PCDHA2: variants seen among roughly 807,000 people sequenced by gnomAD.
PCDHA2 encodes the protein protocadherin alpha-2.
In PCDHA2, 58 loss-of-function variants were observed where a neutral mutation model predicts 66.0. The observed-to-expected ratio is 0.88, with a 90% CI of 0.71 to 1.09. The LOEUF is 1.09. Among genes scored for constraint, PCDHA2 ranks in the 50% least tolerant of loss-of-function variants. The pLI, the probability that PCDHA2 is intolerant of heterozygous loss-of-function variation, is 0.00. For missense variants in PCDHA2, 1,267 were observed against 1,242.3 expected (o/e 1.02, Z -0.30); for synonymous variants, 634 against 554.0 (o/e 1.14, Z -2.03).
chr5:140,813,492 A>G (rs939104206), intron 1 of PCDHA2: 1 of 152,216 alleles, frequency 6.6e-6, no homozygotes, highest in Non-Finnish European at 1.5e-5. Flanking sequence ...TAAACATCTA[A>G]AAGGTACAGT....
At chr5:140,967,562 C>T in intron 1 of PCDHA2, 1 of 1,614,064 alleles carries the variant, frequency 6.2e-7, no homozygotes, top group Non-Finnish European at 8.5e-7. Context: ...TCGCGTCCAG[C>T]TACGGGAGGA....
chr5:140,836,616 G>A, intron 1 of PCDHA2: 5 of 1,613,694 alleles, frequency 3.1e-6, no homozygotes, highest in Non-Finnish European at 4.2e-6. Context: ...CTCCAGCGCG[G>A]TGGGGAGCTG....
At chr5:140,959,567 T>A (rs2095496193) in intron 1 of PCDHA2, among the ~76,000 whole-genome samples, 1 of 152,208 alleles carries the variant, frequency 6.6e-6, no homozygotes, top group Non-Finnish European at 1.5e-5. Context: ...AGTACTAGAT[T>A]TTTTGTTTCA....
Position 140,796,547 on chromosome 5 carries a change from T to C in PCDHA2, c.1583T>C (p.Val528Ala). Reference sequence around the variant, plus strand: ...CTGCAGCCGCTGGACCACGAGGAAGTGGAGCTGCTGCAGTTCCAGGTGAGC... The same window carrying C: ...CTGCAGCCGCTGGACCACGAGGAAGCGGAGCTGCTGCAGTTCCAGGTGAGC... Reference protein sequence around the residue: ...YALQPLDHEEVELLQFQVSAR... With the variant: ...YALQPLDHEEAELLQFQVSAR... Residue 528 changes from valine (V) to alanine (A), a missense_variant, in exon 1 of 4, where the codon GTG (valine) becomes GCG (alanine). Coordinates refer to ENST00000526136, the MANE Select transcript of PCDHA2 (RefSeq NM_018905.3). 6.2e-7 allele frequency: 1 copy of C among 1,612,990 alleles called. No homozygotes were observed.
At position 140,808,692 on chromosome 5, in the gene PCDHA2, G is replaced by A. The variant is rs555898168; in HGVS notation, c.2388+11340G>A. 13 of 1,612,220 alleles carry A rather than the reference G, an allele frequency of 8.1e-6. No individual in the cohort carries two copies. The African/African-American group carries it at 1.5e-4, about 18-fold the overall frequency. ...CTGGTAGAGCGGCGGGTAGGGGAGC[G>A]CGCGCTGTCGAGCTACGTTTCGGTG... On this transcript the variant is annotated intron_variant, in intron 1 of 3. Transcript: ENST00000526136.
chr5:140,807,366 T>C (rs1763899962), intron 1 of PCDHA2: 1 of 1,608,846 alleles, frequency 6.2e-7, no homozygotes, highest in South Asian at 1.1e-5. Flanking sequence ...GCGGAGCTGG[T>C]GCCGCGCCTG....
chr5:140,905,632 G>A lies in PCDHA2; in HGVS notation c.2389-73317G>A, dbSNP rs146826869. 9.9e-4 allele frequency among the ~76,000 whole-genome samples: 150 copies of A among 152,224 alleles called. 1 individual carries two copies. Among genetic ancestry groups the A allele is most frequent in the African/African-American group, 3.4e-3 (141 of 41,546 alleles). ...TCTATAGATTGCTTTTGACAGTATG[G>A]TCAGTTTCACAGTATTGATTCCTGT... On this transcript the variant is annotated intron_variant, in intron 1 of 3. Transcript: ENST00000526136.
chr5:140,955,987 A>G (rs1185683030), intron 1 of PCDHA2, among the ~76,000 whole-genome samples: 3 of 152,198 alleles, frequency 2.0e-5, no homozygotes, highest in African/African-American at 7.2e-5. Flanking sequence ...CAATTTTTGC[A>G]CATTGATTTT....
intron 1 of PCDHA2, among the ~76,000 whole-genome samples, chr5:140,941,249 TTCTTTC>T (rs1367740560): frequency 3.0e-4 from 42 of 138,342 alleles, no homozygotes; most frequent in South Asian, 7.1e-4. Context: ...CTTTCTTTCT[TTCTTTC>T]TCTTTCTTTC....
intron 1 of PCDHA2, chr5:140,929,003 G>A: frequency 6.2e-7 from 1 of 1,614,106 alleles, no homozygotes; most frequent in South Asian, 1.1e-5. Flanking sequence ...TTCTTCGTGT[G>A]TACCAAGTTG....
chr5:140,919,480 T>C (rs1745975489), intron 1 of PCDHA2, among the ~76,000 whole-genome samples: 1 of 152,198 alleles, frequency 6.6e-6, no homozygotes, highest in Admixed American at 6.5e-5. Context: ...TATTTGGATT[T>C]ATGTTTGTTA....
chr5:140,882,152 GA>G, intron 1 of PCDHA2: 1 of 1,505,314 alleles, frequency 6.6e-7, no homozygotes, highest in East Asian at 2.3e-5. Flanking sequence ...GCAGAAAGCG[GA>G]ATACCTCTTG....
At chr5:140,968,460 C>G (rs1554230749) in intron 1 of PCDHA2, 1 of 1,614,096 alleles carries the variant, frequency 6.2e-7, no homozygotes, top group Non-Finnish European at 8.5e-7. Flanking sequence ...ACTGTGACTG[C>G]CAACGTATAT....
chr5:140,837,994 C>CT lies in PCDHA2; in HGVS notation c.2388+40650dup, dbSNP rs2150281652. Among the ~76,000 whole-genome samples, 95 of 150,614 alleles carry CT rather than the reference C, an allele frequency of 6.3e-4. 1 individual carries two copies. Among genetic ancestry groups the CT allele is most frequent in the African/African-American group, 9.0e-4 (37 of 40,918 alleles). On this transcript the variant is annotated intron_variant, in intron 1 of 3. Transcript: ENST00000526136. ...ACACCCAGCCTGCCTTTCATCTTTC[C>CT]TTTTTTTTAAAAAAAGAAGTGATTA... is the stretch of plus-strand genomic sequence containing the variant.
At position 140,923,111 on chromosome 5, in the gene PCDHA2, G is replaced by T. The variant is rs192696214; in HGVS notation, c.2389-55838G>T. Among the ~76,000 whole-genome samples, 53 of 152,266 alleles carry T rather than the reference G, an allele frequency of 3.5e-4. No individual in the cohort carries two copies. In the East Asian group the frequency reaches 8.9e-3, roughly 25 times the overall value. ...TTGACCAATGGGAGTATGATTTTAA[G>T]TTTTTAGGGTCACACTTTGAAGGTG... On this transcript the variant is annotated intron_variant, in intron 1 of 3. Coordinates refer to ENST00000526136, the MANE Select transcript of PCDHA2 (RefSeq NM_018905.3).
intron 1 of PCDHA2, chr5:140,851,932 T>G: frequency 1.0e-6 from 1 of 965,638 alleles, no homozygotes; most frequent in Non-Finnish European, 1.3e-6. Context: ...TTTCCTGAAT[T>G]GTAGTATGTG....
chr5:141,000,912 A>G (rs1434885581), intron 3 of PCDHA2, among the ~76,000 whole-genome samples: 1 of 152,194 alleles, frequency 6.6e-6, no homozygotes, highest in East Asian at 1.9e-4. Context: ...TGTCTCTAAA[A>G]AAAAAAATCC....
Position 140,795,275 on chromosome 5 carries a change from T to A in PCDHA2, c.311T>A (p.Ile104Asn). The part of the protein sequence containing the change: ...ELCGRSAECS[I>N]HVEVIVDRPL... ...TGCGGGCGGAGCGCGGAATGTAGCA[T>A]CCACGTGGAGGTGATCGTGGACAGG... Residue 104 changes from isoleucine to asparagine, a missense_variant, in exon 1 of 4, where the codon ATC becomes AAC. Transcript: ENST00000526136. The A allele has an allele frequency of 6.2e-7, 1 of 1,614,244 alleles. No homozygotes were observed. The highest frequency in any genetic ancestry group is 8.5e-7 in the Non-Finnish European group (1 of 1,180,040).
intron 1 of PCDHA2, among the ~76,000 whole-genome samples, chr5:140,959,712 T>A (rs166567): frequency 0.25 from 37,822 of 152,086 alleles, 5,932 homozygotes; most frequent in African/African-American, 0.45. Flanking sequence ...AAAGGGAAAA[T>A]TTTTAGATAA....
Sources: gnomAD v4.1 joint callset for allele counts (sites outside exome capture counted in the v4.1 genomes callset) on GRCh38, gnomAD v4.1.1 for gene constraint, MANE v1.5 for transcripts, NCBI Gene and HGNC (gene_info 2026-07-23, HGNC 2026-07-21) for gene names.